GOLM1: variants seen among roughly 807,000 people sequenced by gnomAD.
GOLM1 encodes epididymis luminal protein 46.
GOLM1 carries 31 observed loss-of-function variants against 50.5 expected under a neutral mutation model. That is an observed-to-expected ratio of 0.61 (90% CI 0.46 to 0.83). GOLM1 has a LOEUF of 0.83. GOLM1 is among the 40% of genes least tolerant of loss of function. The pLI, the probability that GOLM1 is intolerant of heterozygous loss-of-function variation, is 0.00. For missense variants in GOLM1, 491 were observed against 501.3 expected, an observed-to-expected ratio of 0.98 and a Z score of 0.20; for synonymous variants, 178 against 192.8, an observed-to-expected ratio of 0.92 and a Z score of 0.64.
chr9:86,080,453 G>T (rs1184368091), intron 1 of GOLM1, among the ~76,000 whole-genome samples: 1 of 152,166 alleles, frequency 6.6e-6, no homozygotes, highest in African/African-American at 2.4e-5. Flanking sequence ...CACCAGGGGT[G>T]TCTAGCAACA....
chr9:86,034,210 A>T (rs905384205), intron 8 of GOLM1, among the ~76,000 whole-genome samples: 58 of 152,000 alleles, frequency 3.8e-4, no homozygotes, highest in African/African-American at 1.3e-3. Flanking sequence ...TGATCCGCCC[A>T]CCTCGGCCTC....
intron 9 of GOLM1, among the ~76,000 whole-genome samples, chr9:86,029,844 G>C (rs1375183012): frequency 2.0e-5 from 3 of 152,334 alleles, no homozygotes; most frequent in East Asian, 3.9e-4. Context: ...TAGGACACCT[G>C]AGTGTAGGGA....
intron 8 of GOLM1, chr9:86,034,865 T>TC (rs1484412796): frequency 6.9e-6 from 2 of 291,100 alleles, no homozygotes; most frequent in Non-Finnish European, 1.0e-5. Flanking sequence ...ACCCTTTATT[T>TC]CTTTAAAAAG....
chr9:86,040,201 C>G (rs765769407), intron 6 of GOLM1, among the ~76,000 whole-genome samples: 4 of 152,090 alleles, frequency 2.6e-5, no homozygotes, highest in Non-Finnish European at 5.9e-5. Flanking sequence ...ACTCAGAACC[C>G]ATGAATTGTA....
chr9:86,071,498 G>A (rs1264657161), intron 3 of GOLM1, among the ~76,000 whole-genome samples: 1 of 152,020 alleles, frequency 6.6e-6, no homozygotes, highest in African/African-American at 2.4e-5. Context: ...GGCCAACACG[G>A]AGAAACCCCG....
intron 1 of GOLM1, among the ~76,000 whole-genome samples, chr9:86,086,023 G>T (rs1178353637): frequency 2.0e-5 from 3 of 152,118 alleles, no homozygotes; most frequent in Admixed American, 2.0e-4. Context: ...GGTATTTCTA[G>T]TTCTAGATCC....
chr9:86,026,894 T>TATCC lies in GOLM1; in HGVS notation c.*919_*922dup. 1.0e-6 allele frequency: 1 copy of TATCC among 984,598 alleles called. No homozygotes were observed. Among genetic ancestry groups the TATCC allele is most frequent in the Non-Finnish European group, 1.2e-6 (1 of 829,196 alleles). 61.0% of individuals were successfully genotyped at this position (984,598 alleles called of 1,614,324 possible). ...CAGTCCTAATTTCTAACACTGTATA[T>TATCC]ATCCTTCGACATCAATGAACTTTGT... is the stretch of plus-strand genomic sequence containing the variant. On this transcript the variant is annotated 3_prime_UTR_variant, in exon 10 of 10. Coordinates refer to ENST00000388712, the MANE Select transcript of GOLM1 (RefSeq NM_016548.4).
In GOLM1 at chr9:86,036,513, A is replaced by C. The variant is rs767302398; in HGVS notation, c.598-6T>G. ...GGCTCACTGAGGGCTTGGAGCTGAA[A>C]CAGAAGCACAGGACAGCCAGCCAGG... On this transcript the variant is annotated splice_polypyrimidine_tract_variant and splice_region_variant and intron_variant, in intron 6 of 9. Coordinates refer to ENST00000388712, the MANE Select transcript of GOLM1 (RefSeq NM_016548.4). 6.2e-7 allele frequency: 1 copy of C among 1,613,626 alleles called. No individual in the cohort carries two copies. The highest frequency in any genetic ancestry group is 1.3e-5 in the African/African-American group (1 of 74,976).
intron 9 of GOLM1, among the ~76,000 whole-genome samples, chr9:86,033,028 TAA>T (rs1833031018): frequency 6.6e-6 from 1 of 152,140 alleles, no homozygotes; most frequent in Admixed American, 6.5e-5. Flanking sequence ...TCATCCTACT[TAA>T]AGAGTTGAGC....
chr9:86,093,670 A>T (rs1260546028), intron 1 of GOLM1, among the ~76,000 whole-genome samples: 1 of 152,120 alleles, frequency 6.6e-6, no homozygotes, highest in African/African-American at 2.4e-5. Context: ...TAAAATTATT[A>T]TTTGCTTTTA....
At chr9:86,076,647 C>T (rs562857991) in intron 3 of GOLM1, among the ~76,000 whole-genome samples, 164 of 151,798 alleles carry the variant, frequency 1.1e-3, no homozygotes, top group African/African-American at 3.7e-3. Context: ...AGGTGGATCA[C>T]GAGGTCAAGA....
At chr9:86,028,883 C>T (rs1329420862) in intron 9 of GOLM1, among the ~76,000 whole-genome samples, 2 of 133,826 alleles carry the variant, frequency 1.5e-5, no homozygotes, top group East Asian at 2.2e-4. Flanking sequence ...GAGTCTGGCT[C>T]TATCACCCAG....
At chr9:86,039,009 A>C (rs1411880881) in intron 6 of GOLM1, among the ~76,000 whole-genome samples, 1 of 152,050 alleles carries the variant, frequency 6.6e-6, no homozygotes, top group Admixed American at 6.6e-5. Context: ...AAAGTGAAAA[A>C]CCCCACAGAA....
chr9:86,037,226 C>A lies in GOLM1; in HGVS notation c.598-719G>T, dbSNP rs193282298. Among the ~76,000 whole-genome samples the A allele has an allele frequency of 5.8e-3, 886 of 152,254 alleles. 6 individuals are homozygous for A. Among genetic ancestry groups the A allele is most frequent in the Middle Eastern group, 0.01 (3 of 294 alleles). ...GGTCAGAAGTTTGAGACCAGCCTTG[C>A]CAACATGGTGAAACCCCATCTCTAC... is the stretch of plus-strand genomic sequence containing the variant. On this transcript the variant is annotated intron_variant, in intron 6 of 9. Coordinates refer to ENST00000388712, the MANE Select transcript of GOLM1 (RefSeq NM_016548.4).
intron 1 of GOLM1, among the ~76,000 whole-genome samples, chr9:86,081,492 A>T (rs1394903727): frequency 6.6e-6 from 1 of 152,106 alleles, no homozygotes; most frequent in Non-Finnish European, 1.5e-5. Context: ...CACCGTGCCC[A>T]GCTAACCTTG....
chr9:86,035,717 C>A, intron 7 of GOLM1, 92 bp from the exon 8 acceptor site: 1 of 1,191,592 alleles, frequency 8.4e-7, no homozygotes, highest in East Asian at 2.3e-5. Flanking sequence ...CCACTCAATT[C>A]CCAGAGCCTT....
Position 86,033,159 on chromosome 9 carries a change from G to A in GOLM1, c.1129+123C>T, listed in dbSNP as rs113367312. 906 of 642,380 alleles carry A rather than the reference G, an allele frequency of 1.4e-3. 5 individuals carry two copies. In the African/African-American group the frequency reaches 0.014, roughly 10 times the overall value. 39.8% of individuals were successfully genotyped at this position (642,380 alleles called of 1,614,324 possible). ...GTTTAAAAGCTCCTAAAGAACAGACGATCTCCTTGAAATGACCCATTAATT... is the reference window on the plus strand; with the variant it reads ...GTTTAAAAGCTCCTAAAGAACAGACAATCTCCTTGAAATGACCCATTAATT... On this transcript the variant is annotated intron_variant, in intron 9 of 9. Coordinates refer to ENST00000388712, the MANE Select transcript of GOLM1 (RefSeq NM_016548.4).
chr9:86,051,037 G>A (rs185784997), intron 4 of GOLM1, among the ~76,000 whole-genome samples: 60 of 152,270 alleles, frequency 3.9e-4, no homozygotes, highest in African/African-American at 1.3e-3. Context: ...TGCCTTAAAC[G>A]TGTCCCAGAG....
In GOLM1 at chr9:86,035,403, T is replaced by A; in HGVS notation, c.980A>T (p.Asp327Val). 6.2e-7 allele frequency: 1 copy of A among 1,613,960 alleles called. No homozygotes were observed. Among genetic ancestry groups the A allele is most frequent in the South Asian group, 1.1e-5 (1 of 91,064 alleles). Residue 327 changes from aspartate (D) to valine (V), a missense_variant, in exon 8 of 10, where the codon GAC becomes GTC. Coordinates refer to ENST00000388712, the MANE Select transcript of GOLM1 (RefSeq NM_016548.4). ...GPERDQLVIP[D>V]GQEEEQEAAG... ...AGCTTCCTGCTCCTCCTCCTGTCCGTCGGGGATGACAAGCTGGTCTCGCTC... is the reference window on the plus strand; with the variant it reads ...AGCTTCCTGCTCCTCCTCCTGTCCGACGGGGATGACAAGCTGGTCTCGCTC...
Sources: allele counts gnomAD v4.1 joint callset (sites outside exome capture counted in the v4.1 genomes callset), GRCh38; gene constraint gnomAD v4.1.1; transcripts MANE v1.5; gene names NCBI Gene and HGNC (gene_info 2026-07-23, HGNC 2026-07-21).